The following ATP8A1 variants were observed in gnomAD, a reference collection of about 807,000 sequenced individuals.
The protein encoded by ATP8A1 is phospholipid-transporting ATPase IA.
In ATP8A1, 90 loss-of-function variants were observed where a neutral mutation model predicts 177.7. The observed-to-expected ratio is 0.51, with a 90% CI of 0.43 to 0.60. ATP8A1 has a LOEUF of 0.60. ATP8A1 is among the 20% of genes least tolerant of loss of function. ATP8A1 has a pLI of 0.00. For missense variants in ATP8A1, 1,072 were observed against 1,392.8 expected, an observed-to-expected ratio of 0.77 and a Z score of 3.67; for synonymous variants, 493 against 485.9, an observed-to-expected ratio of 1.01 and a Z score of -0.19.
chr4:42,619,630 T>A (rs886592349), intron 4 of ATP8A1, among the ~76,000 whole-genome samples: 9 of 150,740 alleles, frequency 6.0e-5, no homozygotes, highest in African/African-American at 9.7e-5. Flanking sequence ...ATATATATAT[T>A]TTAAAATTTT....
intron 30 of ATP8A1, among the ~76,000 whole-genome samples, chr4:42,446,892 G>T (rs1244634941): frequency 1.3e-5 from 2 of 150,860 alleles, no homozygotes; most frequent in African/African-American, 4.9e-5. Flanking sequence ...GAGTCCACAA[G>T]ATTAAAAAAA....
chr4:42,408,466 G>A lies in ATP8A1; in HGVS notation c.*4450C>T, dbSNP rs1051192481. 2.0e-5 allele frequency: 3 copies of A among 152,038 alleles called. No individual in the cohort carries two copies. Among genetic ancestry groups the A allele is most frequent in the Admixed American group, 6.6e-5 (1 of 15,260 alleles). 9.4% of individuals were successfully genotyped at this position (152,038 alleles called of 1,614,324 possible). A position where few individuals can be genotyped will look rare whatever the true frequency, so the allele number is the denominator to read the frequency against. On this transcript the variant is annotated 3_prime_UTR_variant, in exon 37 of 37. Coordinates refer to ENST00000381668, the MANE Select transcript of ATP8A1 (RefSeq NM_006095.2). ...GTTTAAAACATGCACATTCACAAAAGGCCAATGACACATAACACTGCATAG... is the reference window on the plus strand; with the variant it reads ...GTTTAAAACATGCACATTCACAAAAAGCCAATGACACATAACACTGCATAG...
chr4:42,573,396 T>C (rs1732098740), intron 14 of ATP8A1, among the ~76,000 whole-genome samples: 1 of 152,194 alleles, frequency 6.6e-6, no homozygotes, highest in South Asian at 2.1e-4. Context: ...AAAGTGTGGC[T>C]GCAACTCTCC....
At chr4:42,427,741 G>A (rs913120283) in intron 33 of ATP8A1, among the ~76,000 whole-genome samples, 4 of 152,222 alleles carry the variant, frequency 2.6e-5, no homozygotes, top group African/African-American at 9.6e-5. Flanking sequence ...CAGAGATTTA[G>A]TAAAGGTGAA....
chr4:42,552,521 A>G lies in ATP8A1; in HGVS notation c.1503T>C (p.Tyr501=). 1 of 1,611,694 alleles carries G rather than the reference A, an allele frequency of 6.2e-7. No individual in the cohort carries two copies. Among genetic ancestry groups the G allele is most frequent in the Non-Finnish European group, 8.5e-7 (1 of 1,178,850 alleles). The stretch of plus-strand genomic sequence containing the variant: ...CATTTGTACCTGGAGATGCTGCTTG[A>G]TAAATAATCTTGTCACCTTCTCGCT... ...VPEREGDKII[Y]QAASPDEGAL... is the part of the protein sequence containing the mutation. Residue 501 remains tyrosine, a synonymous_variant, in exon 17 of 37, where the codon TAT becomes TAC. Coordinates refer to ENST00000381668, the MANE Select transcript of ATP8A1 (RefSeq NM_006095.2).
At chr4:42,544,762 A>G (rs1315348161) in intron 19 of ATP8A1, among the ~76,000 whole-genome samples, 3 of 152,190 alleles carry the variant, frequency 2.0e-5, no homozygotes, top group Non-Finnish European at 2.9e-5. Flanking sequence ...GTCTGTATCT[A>G]TTTGTTTTAC....
intron 33 of ATP8A1, among the ~76,000 whole-genome samples, chr4:42,434,345 A>T (rs1002918773): frequency 7.9e-5 from 12 of 152,182 alleles, no homozygotes; most frequent in African/African-American, 2.4e-4. Flanking sequence ...TTACCTTTTT[A>T]AAAAAATCTT....
intron 9 of ATP8A1, among the ~76,000 whole-genome samples, chr4:42,583,315 C>CT (rs1248429040): frequency 6.6e-6 from 1 of 152,188 alleles, no homozygotes; most frequent in African/African-American, 2.4e-5. Context: ...AATAGCATGC[C>CT]TTTAGGACCT....
intron 25 of ATP8A1, among the ~76,000 whole-genome samples, chr4:42,473,314 T>C (rs1171456386): frequency 3.9e-5 from 6 of 152,200 alleles, no homozygotes; most frequent in Non-Finnish European, 7.3e-5. Context: ...GGGAGTTAAA[T>C]ATTGACAGCC....
intron 4 of ATP8A1, among the ~76,000 whole-genome samples, chr4:42,621,860 A>G (rs28664685): frequency 0.23 from 34,334 of 152,182 alleles, 4,353 homozygotes; most frequent in Non-Finnish European, 0.29. Flanking sequence ...AACCACAATA[A>G]CATGGTACTA....
At chr4:42,556,900 T>G (rs1448500826) in intron 15 of ATP8A1, among the ~76,000 whole-genome samples, 2 of 152,140 alleles carry the variant, frequency 1.3e-5, no homozygotes, top group Non-Finnish European at 2.9e-5. Flanking sequence ...ACTAAACAAT[T>G]ATAATCCAGA....
chr4:42,436,890 A>T (rs1362896202), intron 33 of ATP8A1, among the ~76,000 whole-genome samples: 1 of 152,250 alleles, frequency 6.6e-6, no homozygotes, highest in Non-Finnish European at 1.5e-5. Flanking sequence ...ATGTTGGATA[A>T]AATAGGCAAC....
At chr4:42,454,551 A>G (rs1481125520) in intron 29 of ATP8A1, among the ~76,000 whole-genome samples, 3 of 152,208 alleles carry the variant, frequency 2.0e-5, no homozygotes. Flanking sequence ...TTGTAATATT[A>G]AATTTTTTCC....
At chr4:42,459,287 C>G (rs1002385004) in intron 27 of ATP8A1, 27 of 158,832 alleles carry the variant, frequency 1.7e-4, no homozygotes, top group African/African-American at 5.5e-4. Flanking sequence ...GGGTTTGAAA[C>G]AGGACAGGGC....
chr4:42,626,082 C>T (rs13105499), intron 2 of ATP8A1: 27,098 of 153,780 alleles, frequency 0.18, 2,572 homozygotes, highest in Non-Finnish European at 0.21. Flanking sequence ...AAAAGAACCC[C>T]GAAATCAGCA....
At chr4:42,557,565 A>T in intron 15 of ATP8A1, among the ~76,000 whole-genome samples, 1 of 152,196 alleles carries the variant, frequency 6.6e-6, no homozygotes, top group East Asian at 1.9e-4. Context: ...CTTTCATTTT[A>T]TAAATCAGTT....
rs1733683267 is a variant in ATP8A1 at position 42,587,085 on chromosome 4, T to C, written c.595-609A>G. Among the ~76,000 whole-genome samples, 5 of 152,320 alleles carry C rather than the reference T, an allele frequency of 3.3e-5. No individual in the cohort carries two copies. In the South Asian group the frequency reaches 1.0e-3, roughly 32 times the overall value. On this transcript the variant is annotated intron_variant, in intron 8 of 36. Transcript: ENST00000381668. ...AAGGCATACATTTTTAAAGTCCCTC[T>C]TAAAACTTTAAAAACTTTACAGTTA...
chr4:42,623,394 T>C (rs1737696788), intron 4 of ATP8A1, among the ~76,000 whole-genome samples: 1 of 152,132 alleles, frequency 6.6e-6, no homozygotes, highest in Admixed American at 6.5e-5. Flanking sequence ...CATATGCATA[T>C]GTATGTTCAT....
intron 24 of ATP8A1, among the ~76,000 whole-genome samples, chr4:42,494,696 A>C (rs4861030): frequency 0.87 from 133,093 of 152,224 alleles, 59,325 homozygotes; most frequent in East Asian, 0.97. Flanking sequence ...TTTCTCTCTT[A>C]ATTTCTGTCT....
Sources: gnomAD v4.1 joint callset for allele counts (sites outside exome capture counted in the v4.1 genomes callset) on GRCh38, gnomAD v4.1.1 for gene constraint, MANE v1.5 for transcripts, NCBI Gene and HGNC (gene_info 2026-07-23, HGNC 2026-07-21) for gene names.